MYOZ3: variants seen among roughly 807,000 people sequenced by gnomAD.
The protein encoded by MYOZ3 is myozenin 3.
MYOZ3 carries 19 observed loss-of-function variants against 26.5 expected under a neutral mutation model. That is an observed-to-expected ratio of 0.72 (90% CI 0.50 to 1.05). The LOEUF (loss-of-function observed/expected upper bound fraction) is 1.05, where lower values mean the gene tolerates loss of function less well. Ranked by LOEUF, MYOZ3 falls within the 50% of genes least tolerant of loss-of-function variation. MYOZ3 has a pLI of 0.00. For missense variants in MYOZ3, 322 were observed against 337.1 expected, an observed-to-expected ratio of 0.96 and a Z score of 0.35; for synonymous variants, 135 against 138.8, an observed-to-expected ratio of 0.97 and a Z score of 0.19.
chr5:150,665,402 G>A (rs1758792738), intron 2 of MYOZ3, among the ~76,000 whole-genome samples: 2 of 152,078 alleles, frequency 1.3e-5, no homozygotes, highest in Admixed American at 1.3e-4. Flanking sequence ...TGTAGAAGGT[G>A]GTGGTGTGAA....
In MYOZ3 at chr5:150,671,778, G is replaced by A. The variant is rs1758915624; in HGVS notation, c.294G>A (p.Glu98=). 2 of 1,613,226 alleles carry A rather than the reference G, an allele frequency of 1.2e-6. No homozygotes were observed. Among genetic ancestry groups the A allele is most frequent in the Non-Finnish European group, 1.7e-6 (2 of 1,179,930 alleles). ...SGTVANANGP[E]GPNYRSELHI... ...AGGTTGCCAATGCCAATGGCCCTGA[G>A]GGGCCGAACTACCGCTCGGAGCTCC... is the stretch of plus-strand genomic sequence containing the variant. The change falls in exon 5 of 7, where the codon GAG becomes GAA. Residue 98 remains glutamate (E), a synonymous_variant. Coordinates refer to ENST00000517768, the MANE Select transcript of MYOZ3 (RefSeq NM_001122853.3).
chr5:150,670,480 G>T lies in MYOZ3; in HGVS notation c.62-4G>T. On this transcript the variant is annotated splice_polypyrimidine_tract_variant and splice_region_variant and intron_variant, in intron 2 of 6. Coordinates refer to ENST00000517768, the MANE Select transcript of MYOZ3 (RefSeq NM_001122853.3). ...TGAGAGCCCGCTCTGGCCTTTCCTG[G>T]CAGTCCCTACGCTGGACCTGGGCAA... The T allele has an allele frequency of 6.2e-7, 1 of 1,605,362 alleles. No individual in the cohort carries two copies. The highest frequency in any genetic ancestry group is 1.7e-5 in the Admixed American group (1 of 59,570).
At chr5:150,661,707 C>G (rs1758734790) in intron 1 of MYOZ3, among the ~76,000 whole-genome samples, 1 of 152,196 alleles carries the variant, frequency 6.6e-6, no homozygotes, top group African/African-American at 2.4e-5. Flanking sequence ...GAAGCAGCTT[C>G]TCTGTAAAAT....
At position 150,670,536 on chromosome 5, in the gene MYOZ3, G is replaced by C; in HGVS notation, c.114G>C (p.Met38Ile). The change falls in exon 3 of 7, where the codon ATG (methionine) becomes ATC (isoleucine). Residue 38 changes from methionine to isoleucine, a missense_variant. By Grantham distance (10) the Met-to-Ile change is conservative (BLOSUM62 1). Coordinates refer to ENST00000517768, the MANE Select transcript of MYOZ3 (RefSeq NM_001122853.3). ...KKLSVPQDLM[M>I]EELSLRNNRG... is the part of the protein sequence containing the mutation. Reference sequence around the variant, plus strand: ...TGAGCGTGCCCCAGGACCTGATGATGGAGGAGCTGTCACTACGCAACAACA... The same window carrying C: ...TGAGCGTGCCCCAGGACCTGATGATCGAGGAGCTGTCACTACGCAACAACA... The C allele has an allele frequency of 1.2e-6, 2 of 1,613,296 alleles. No individual in the cohort carries two copies. Among genetic ancestry groups the C allele is most frequent in the Non-Finnish European group, 1.7e-6 (2 of 1,179,712 alleles).
At chr5:150,676,577 T>C (rs1361093762) in intron 6 of MYOZ3, 130 bp from the exon 7 acceptor site, 1 of 737,954 alleles carries the variant, frequency 1.4e-6, no homozygotes, top group Non-Finnish European at 2.2e-6. Flanking sequence ...GTACAGAATC[T>C]TGCTGTATAG....
intron 6 of MYOZ3, among the ~76,000 whole-genome samples, chr5:150,675,298 T>C (rs1758986458): frequency 6.6e-6 from 1 of 152,100 alleles, no homozygotes; most frequent in Non-Finnish European, 1.5e-5. Flanking sequence ...TTACTCAACA[T>C]TACGCTTTCG....
chr5:150,668,730 G>A (rs1758846099), intron 2 of MYOZ3, among the ~76,000 whole-genome samples: 2 of 152,224 alleles, frequency 1.3e-5, no homozygotes, highest in Admixed American at 6.5e-5. Flanking sequence ...TCCTTTGTTG[G>A]CCAAACGTGA....
chr5:150,665,008 T>A (rs1211342114), intron 2 of MYOZ3, among the ~76,000 whole-genome samples: 1 of 149,194 alleles, frequency 6.7e-6, no homozygotes, highest in Non-Finnish European at 1.5e-5. Context: ...CTATATGCTA[T>A]GTTCTTTGGC....
At chr5:150,672,797 A>G (rs1758945221) in intron 6 of MYOZ3, 4 of 377,830 alleles carry the variant, frequency 1.1e-5, no homozygotes, top group Non-Finnish European at 1.9e-5. Flanking sequence ...CGGCTCAGGA[A>G]TATGAACAAC....
At chr5:150,664,225 G>T (rs752973040) in intron 2 of MYOZ3, among the ~76,000 whole-genome samples, 1 of 152,010 alleles carries the variant, frequency 6.6e-6, no homozygotes, top group Non-Finnish European at 1.5e-5. Context: ...AACCTATTTT[G>T]TGTGCTCTTG....
chr5:150,671,448 G>GC, intron 3 of MYOZ3, 149 bp from the exon 4 acceptor site: 1 of 765,800 alleles, frequency 1.3e-6, no homozygotes, highest in Non-Finnish European at 2.2e-6. Flanking sequence ...ACTGGGTTTA[G>GC]CGTTGTAAAC....
intron 1 of MYOZ3, among the ~76,000 whole-genome samples, chr5:150,662,147 G>A (rs577768270): frequency 6.6e-6 from 1 of 152,340 alleles, no homozygotes; most frequent in South Asian, 2.1e-4. Flanking sequence ...AGGCAAAGGA[G>A]AAGGGTACCC....
At position 150,670,533 on chromosome 5, in the gene MYOZ3, G is replaced by C; in HGVS notation, c.111G>C (p.Met37Ile). 6.2e-7 allele frequency: 1 copy of C among 1,613,280 alleles called. No homozygotes were observed. Among genetic ancestry groups the C allele is most frequent in the Non-Finnish European group, 8.5e-7 (1 of 1,179,720 alleles). Residue 37 changes from methionine to isoleucine, a missense_variant, in exon 3 of 7, where the codon ATG becomes ATC. Transcript: ENST00000517768. ...AGCTGAGCGTGCCCCAGGACCTGAT[G>C]ATGGAGGAGCTGTCACTACGCAACA... ...GKKLSVPQDL[M>I]MEELSLRNNR...
At chr5:150,669,397 A>G (rs1758864801) in intron 2 of MYOZ3, among the ~76,000 whole-genome samples, 1 of 151,702 alleles carries the variant, frequency 6.6e-6, no homozygotes, top group South Asian at 2.1e-4. Flanking sequence ...CAGCGAGCCG[A>G]GATTGTGCCA....
intron 5 of MYOZ3, chr5:150,672,128 C>T: frequency 9.7e-7 from 1 of 1,029,622 alleles, no homozygotes; most frequent in Non-Finnish European, 1.5e-6. Context: ...GCGCTGCGAA[C>T]TCGTGGCTTC....
In MYOZ3 at chr5:150,671,779, G is replaced by A. The variant is rs751243116; in HGVS notation, c.295G>A (p.Gly99Arg). ...GGTTGCCAATGCCAATGGCCCTGAG[G>A]GGCCGAACTACCGCTCGGAGCTCCA... is the stretch of plus-strand genomic sequence containing the variant. ...GTVANANGPE[G>R]PNYRSELHIF... The change falls in exon 5 of 7, where the codon GGG becomes AGG. Residue 99 changes from glycine (G) to arginine (R), a missense_variant. By Grantham distance (125) the Gly-to-Arg change is moderately radical. Transcript: ENST00000517768. The A allele has an allele frequency of 1.2e-6, 2 of 1,613,226 alleles. No homozygotes were observed. The highest frequency in any genetic ancestry group is 1.7e-6 in the Non-Finnish European group (2 of 1,179,940).
intron 2 of MYOZ3, among the ~76,000 whole-genome samples, chr5:150,668,206 C>A (rs539416639): frequency 6.6e-6 from 1 of 152,286 alleles, no homozygotes; most frequent in South Asian, 2.1e-4. Context: ...TAAACTTGTT[C>A]TTCTGTCCAT....
At chr5:150,668,218 T>G (rs897461103) in intron 2 of MYOZ3, among the ~76,000 whole-genome samples, 3 of 152,228 alleles carry the variant, frequency 2.0e-5, no homozygotes, top group Non-Finnish European at 2.9e-5. Flanking sequence ...TCTGTCCATT[T>G]TCTCTTGAAC....
rs147339561 is a variant in MYOZ3 at position 150,675,603 on chromosome 5, C to T, written c.588-1104C>T. On this transcript the variant is annotated intron_variant, in intron 6 of 6. Coordinates refer to ENST00000517768, the MANE Select transcript of MYOZ3 (RefSeq NM_001122853.3). ...GGCCAGGCTGGTCTCGAACTCCTGA[C>T]CTCAGGTGATCGGCCCTCCTCGGCC... 7.5e-3 allele frequency among the ~76,000 whole-genome samples: 1,136 copies of T among 152,318 alleles called. 19 individuals carry two copies. The highest frequency in any genetic ancestry group is 0.042 in the East Asian group (219 of 5,186).
Sources: gnomAD v4.1 joint callset for allele counts (sites outside exome capture counted in the v4.1 genomes callset) on GRCh38, gnomAD v4.1.1 for gene constraint, MANE v1.5 for transcripts, NCBI Gene and HGNC (gene_info 2026-07-23, HGNC 2026-07-21) for gene names.